The following FAM171A1 variants were observed in gnomAD, a reference collection of about 807,000 sequenced individuals.
FAM171A1 encodes protein FAM171A1.
In FAM171A1, 23 loss-of-function variants were observed where a neutral mutation model predicts 74.9. The ratio of observed to expected loss-of-function variants is 0.31; its 90% CI spans 0.22 to 0.44. FAM171A1 has a LOEUF of 0.44. Ranked by LOEUF, FAM171A1 falls within the 20% of genes least tolerant of loss-of-function variation. The pLI is 1.00. For synonymous variants in FAM171A1, 527 were observed against 505.7 expected (o/e 1.04, Z -0.57); for missense variants, 1,162 against 1,159.2 (o/e 1.00, Z -0.03).
At chr10:15,319,178 G>A (rs1330987579) in intron 1 of FAM171A1, among the ~76,000 whole-genome samples, 1 of 152,188 alleles carries the variant, frequency 6.6e-6, no homozygotes, top group Non-Finnish European at 1.5e-5. Flanking sequence ...GCCTGTGGAG[G>A]TGACGGTCTT....
chr10:15,312,946 C>T (rs944541472), intron 1 of FAM171A1, among the ~76,000 whole-genome samples: 2 of 151,898 alleles, frequency 1.3e-5, no homozygotes, highest in East Asian at 1.9e-4. Flanking sequence ...CCACCCTCCT[C>T]GGCCTCCCAA....
chr10:15,370,930 C>T (rs1220042869), intron 1 of FAM171A1, 26 bp downstream of exon 1: 1 of 1,112,432 alleles, frequency 9.0e-7, no homozygotes, highest in Non-Finnish European at 1.1e-6. Flanking sequence ...GACACAAAGC[C>T]CCCGGCCCCG....
intron 1 of FAM171A1, among the ~76,000 whole-genome samples, chr10:15,320,340 TG>T (rs1319930834): frequency 8.5e-5 from 13 of 152,258 alleles, no homozygotes; most frequent in African/African-American, 3.1e-4. Context: ...ATGGCATATA[TG>T]TACCACACTG....
At chr10:15,277,766 T>C (rs905344922) in intron 2 of FAM171A1, among the ~76,000 whole-genome samples, 1 of 151,900 alleles carries the variant, frequency 6.6e-6, no homozygotes, top group Non-Finnish European at 1.5e-5. Flanking sequence ...TGCTGGCTCT[T>C]TTTTTTTGAG....
At chr10:15,279,180 T>C (rs758889304) in intron 2 of FAM171A1, among the ~76,000 whole-genome samples, 2 of 152,246 alleles carry the variant, frequency 1.3e-5, no homozygotes, top group Non-Finnish European at 2.9e-5. Flanking sequence ...GCAGTGTGTT[T>C]TGAAAATGTT....
intron 2 of FAM171A1, 146 bp from the exon 3 acceptor site, chr10:15,276,093 C>A: frequency 1.8e-6 from 1 of 560,386 alleles, no homozygotes; most frequent in Non-Finnish European, 3.2e-6. Flanking sequence ...AGCAAAAGAC[C>A]TTCAAAATGC....
At chr10:15,243,685 G>GA (rs1179101520) in intron 5 of FAM171A1, among the ~76,000 whole-genome samples, 2 of 151,968 alleles carry the variant, frequency 1.3e-5, no homozygotes, top group Admixed American at 6.6e-5. Flanking sequence ...CTCCAAGATA[G>GA]AAAAAAAATC....
intron 5 of FAM171A1, among the ~76,000 whole-genome samples, chr10:15,234,310 T>A (rs1167854684): frequency 6.6e-6 from 1 of 152,228 alleles, no homozygotes; most frequent in Non-Finnish European, 1.5e-5. Context: ...AAATTTCGAA[T>A]TAAAAACATC....
intron 3 of FAM171A1, among the ~76,000 whole-genome samples, chr10:15,270,325 G>C (rs1020047050): frequency 1.3e-5 from 2 of 152,202 alleles, no homozygotes; most frequent in Non-Finnish European, 2.9e-5. Flanking sequence ...TAGCAAGGCT[G>C]GGGGAGGAGC....
chr10:15,300,628 A>T (rs965833534), intron 1 of FAM171A1, among the ~76,000 whole-genome samples: 56 of 151,100 alleles, frequency 3.7e-4, no homozygotes, highest in African/African-American at 1.4e-3. Context: ...AACAAAAAAA[A>T]AACTAGAAAA....
intron 3 of FAM171A1, among the ~76,000 whole-genome samples, chr10:15,262,803 T>C (rs1564626276): frequency 6.6e-6 from 1 of 151,890 alleles, no homozygotes; most frequent in Non-Finnish European, 1.5e-5. Context: ...GAGGAGGTGA[T>C]AACAAATGGG....
At chr10:15,227,468 A>T (rs1228348803) in intron 5 of FAM171A1, among the ~76,000 whole-genome samples, 2 of 152,090 alleles carry the variant, frequency 1.3e-5, no homozygotes, top group African/African-American at 4.8e-5. Flanking sequence ...CTGTAGCCTC[A>T]ACCTCCTGTG....
chr10:15,238,904 A>G lies in FAM171A1; in HGVS notation c.754+9735T>C, dbSNP rs571029952. On this transcript the variant is annotated intron_variant, in intron 5 of 7. Transcript: ENST00000378116. ...CATCTCATTAGAATGAGAGTATCCA[A>G]ATCATATAATCCAGGTTGCCATTAA... Among the ~76,000 whole-genome samples, 7 of 152,358 alleles carry G rather than the reference A, an allele frequency of 4.6e-5. No individual in the cohort carries two copies. In the South Asian group the frequency reaches 6.2e-4, roughly 14 times the overall value.
At chr10:15,269,295 T>G (rs1470631261) in intron 3 of FAM171A1, among the ~76,000 whole-genome samples, 4 of 151,620 alleles carry the variant, frequency 2.6e-5, no homozygotes, top group African/African-American at 9.7e-5. Context: ...TCATTTTTAT[T>G]TTTAGTAGAG....
chr10:15,309,962 C>T (rs187413525), intron 1 of FAM171A1, among the ~76,000 whole-genome samples: 12 of 152,288 alleles, frequency 7.9e-5, no homozygotes, highest in Admixed American at 1.3e-4. Flanking sequence ...TAATCTCTAA[C>T]GTTTGTAGTC....
rs112573487 is a variant in FAM171A1, at chr10:15,216,603, A to G, written c.872-493T>C. Among the ~76,000 whole-genome samples the G allele has an allele frequency of 3.1e-3, 472 of 152,070 alleles. 2 individuals are homozygous for G. Among genetic ancestry groups the G allele is most frequent in the African/African-American group, 0.01 (435 of 41,484 alleles). ...GCACCACCACACCTGGCTAATTTTT[A>G]TAAATTTTTTTTAGAGGCAATGTTC... On this transcript the variant is annotated intron_variant, in intron 6 of 7. Coordinates refer to ENST00000378116, the MANE Select transcript of FAM171A1 (RefSeq NM_001010924.2).
Position 15,240,347 on chromosome 10 carries a change from C to T in FAM171A1, c.754+8292G>A, listed in dbSNP as rs148555281. 1.8e-4 allele frequency among the ~76,000 whole-genome samples: 26 copies of T among 145,726 alleles called. No homozygotes were observed. The East Asian group carries it at 3.7e-3, about 21-fold the overall frequency. The stretch of plus-strand genomic sequence containing the variant: ...CTGTACTCCAGCCTGGGTGACAGAG[C>T]GAGACACCATCTCACACACACACAC... On this transcript the variant is annotated intron_variant, in intron 5 of 7. Coordinates refer to ENST00000378116, the MANE Select transcript of FAM171A1 (RefSeq NM_001010924.2).
intron 2 of FAM171A1, among the ~76,000 whole-genome samples, chr10:15,283,002 C>G (rs1014580132): frequency 6.6e-6 from 1 of 152,232 alleles, no homozygotes; most frequent in African/African-American, 2.4e-5. Flanking sequence ...AATATGCTCA[C>G]TTGGTGTCCC....
chr10:15,228,577 C>G (rs150805913), intron 5 of FAM171A1, among the ~76,000 whole-genome samples: 14 of 152,304 alleles, frequency 9.2e-5, no homozygotes, highest in African/African-American at 3.4e-4. Flanking sequence ...CTCCTGGGCT[C>G]AAGTGATCCT....
Sources: allele counts gnomAD v4.1 joint callset (sites outside exome capture counted in the v4.1 genomes callset), GRCh38; gene constraint gnomAD v4.1.1; transcripts MANE v1.5; gene names NCBI Gene and HGNC (gene_info 2026-07-23, HGNC 2026-07-21).